SKIDA1: variants seen among roughly 807,000 people sequenced by gnomAD.
SKIDA1 encodes the protein SKI/DACH domain-containing protein 1.
A neutral mutation model predicts 51.4 loss-of-function variants in SKIDA1; 18 were observed. The observed-to-expected ratio is 0.35, with a 90% CI of 0.24 to 0.52. SKIDA1 has a LOEUF of 0.52. SKIDA1 is among the 20% of genes least tolerant of loss of function. SKIDA1 has a pLI of 0.95. For synonymous variants in SKIDA1, 579 were observed against 500.5 expected (o/e 1.16, Z -2.09); for missense variants, 1,104 against 1,180.6 (o/e 0.94, Z 0.95).
In SKIDA1 at chr10:21,515,762, G is replaced by GCC; in HGVS notation, c.2060_2061insGG (p.Ile687MetfsTer4). 1 of 1,614,008 alleles carries GCC rather than the reference G, an allele frequency of 6.2e-7. No individual in the cohort carries two copies. Among genetic ancestry groups the GCC allele is most frequent in the Non-Finnish European group, 8.5e-7 (1 of 1,179,892 alleles). On this transcript the variant is annotated frameshift_variant, in exon 4 of 4. Transcript: ENST00000449193. LOFTEE classifies it high-confidence loss of function. ...CATTAGCACTACTGTCTTCTACTTT[G>GCC]ATTTTAATATTGTGCAGAAATGGCA... is the stretch of plus-strand genomic sequence containing the variant.
In SKIDA1 at chr10:21,515,939, T is replaced by C. The variant is rs200289456; in HGVS notation, c.1884A>G (p.Ala628=). 4.5e-4 allele frequency: 733 copies of C among 1,613,916 alleles called. No homozygotes were observed. Among genetic ancestry groups the C allele is most frequent in the Non-Finnish European group, 5.7e-4 (676 of 1,179,898 alleles). Residue 628 remains alanine, a synonymous_variant, in exon 4 of 4, where the codon GCA becomes GCG. Coordinates refer to ENST00000449193, the MANE Select transcript of SKIDA1 (RefSeq NM_207371.4). ...TGGAATATTTTTCTGAATTTGCTTC[T>C]GCTCCTGAAGAATCATTATTTAAGA... is the stretch of plus-strand genomic sequence containing the variant. ...ARFLNNDSSG[A]EANSEKYSKI...
intron 3 of SKIDA1, 44 bp from the exon 4 acceptor site, chr10:21,519,702 A>G (rs935870733): frequency 5.4e-5 from 9 of 167,064 alleles, no homozygotes; most frequent in Admixed American, 5.2e-4. Context: ...TTCACATTCA[A>G]AAGTCCCAGC....
rs1462788935 is a variant in SKIDA1 at position 21,517,266 on chromosome 10, C to G, written c.557G>C (p.Arg186Pro). 1 of 1,472,752 alleles carries G rather than the reference C, an allele frequency of 6.8e-7. No homozygotes were observed. Among genetic ancestry groups the G allele is most frequent in the African/African-American group, 1.5e-5 (1 of 67,724 alleles). 91.2% of individuals were successfully genotyped at this position (1,472,752 alleles called of 1,614,324 possible). A position where few individuals can be genotyped will look rare whatever the true frequency, so the allele number is the denominator to read the frequency against. ...YPGSHYPEIV[R>P]SPCKPPLNYE... Reference sequence around the variant, plus strand: ...GTTTAGAGGGGGTTTGCACGGCGAGCGCACGATCTCCGGGTAGTGCGAGCC... The same window carrying G: ...GTTTAGAGGGGGTTTGCACGGCGAGGGCACGATCTCCGGGTAGTGCGAGCC... The change falls in exon 4 of 4, where the codon CGC becomes CCC. Residue 186 changes from arginine (R) to proline (P), a missense_variant. Around this residue, in one of 3 missense-constraint regions of SKIDA1, gnomAD observed 938 missense variants for 886.4 expected, o/e 1.06. Coordinates refer to ENST00000449193, the MANE Select transcript of SKIDA1 (RefSeq NM_207371.4). This position sits in a 1 kb window ranked among gnomAD's most constrained non-coding sequence, Gnocchi z 6.9.
Position 21,516,322 on chromosome 10 carries a change from C to T in SKIDA1, c.1501G>A (p.Asp501Asn), listed in dbSNP as rs982548790. 1 of 1,613,722 alleles carries T rather than the reference C, an allele frequency of 6.2e-7. No homozygotes were observed. The highest frequency in any genetic ancestry group is 1.1e-5 in the South Asian group (1 of 91,086). Reference sequence around the variant, plus strand: ...TTGAGGTCGGGAAGTCTGCCGGCATCCTCGAAAGCAGCGGGTTTGGTTGCA... The same window carrying T: ...TTGAGGTCGGGAAGTCTGCCGGCATTCTCGAAAGCAGCGGGTTTGGTTGCA... ...AAATKPAAFE[D>N]AGRLPDLKSS... The change falls in exon 4 of 4, where the codon GAT becomes AAT. Residue 501 changes from aspartate to asparagine, a missense_variant. This residue lies in a region of SKIDA1 where 938 missense variants were observed against 886.4 expected (regional missense o/e 1.06). Coordinates refer to ENST00000449193, the MANE Select transcript of SKIDA1 (RefSeq NM_207371.4). This position sits in a 1 kb window ranked among gnomAD's most constrained non-coding sequence, Gnocchi z 5.7.
rs919709288 is a variant in SKIDA1 at position 21,516,051 on chromosome 10, T to G, written c.1772A>C (p.Gln591Pro). Residue 591 changes from glutamine to proline, a missense_variant, in exon 4 of 4, where the codon CAA becomes CCA. By Grantham distance (76) the Gln-to-Pro change is moderately conservative (BLOSUM62 -1). Transcript: ENST00000449193. This position sits in a 1 kb window ranked among gnomAD's most constrained non-coding sequence, Gnocchi z 5.7. ...CCTAGCCTCTCGGAGTATTCTTTGT[T>G]GTGGAAATGCATTGTTTGTCTTTGG... Reference protein sequence around the residue: ...PSPKTNNAFPQQRILREARKC... With the variant: ...PSPKTNNAFPPQRILREARKC... 2 of 1,614,076 alleles carry G rather than the reference T, an allele frequency of 1.2e-6. No individual in the cohort carries two copies. Among genetic ancestry groups the G allele is most frequent in the Non-Finnish European group, 8.5e-7 (1 of 1,179,898 alleles).
rs1232143135 is a variant in SKIDA1 at position 21,515,454 on chromosome 10, G to T, written c.2369C>A (p.Pro790His). ...TTTGACTGGAGGTGTCTGAAGGACA[G>T]GTCGCTTTCCCAGTACTAGTGTCCG... ...NYRTLVLGKR[P>H]VLQTPPVKPN... Residue 790 changes from proline to histidine, a missense_variant, in exon 4 of 4, where the codon CCT (proline) becomes CAT (histidine). This residue lies in a region of SKIDA1 where 112 missense variants were observed against 168.3 expected (regional missense o/e 0.67). Coordinates refer to ENST00000449193, the MANE Select transcript of SKIDA1 (RefSeq NM_207371.4). 1.9e-6 allele frequency: 3 copies of T among 1,613,924 alleles called. No homozygotes were observed. The highest frequency in any genetic ancestry group is 2.5e-6 in the Non-Finnish European group (3 of 1,179,914).
chr10:21,515,178 G>C lies in SKIDA1; in HGVS notation c.2645C>G (p.Ala882Gly). Residue 882 changes from alanine (A) to glycine (G), a missense_variant, in exon 4 of 4, where the codon GCC becomes GGC. Ala to Gly is a moderately conservative substitution (Grantham distance 60, BLOSUM62 0). This residue lies in a region of SKIDA1 where 112 missense variants were observed against 168.3 expected (regional missense o/e 0.67). Transcript: ENST00000449193. ...TTKDSQTPHK[A>G]HPIWKWQLGG... ...CAGCTGCCATTTCCATATAGGATGG[G>C]CCTTGTGAGGAGTTTGAGAATCCTT... 3 of 1,613,896 alleles carry C rather than the reference G, an allele frequency of 1.9e-6. No homozygotes were observed. The highest frequency in any genetic ancestry group is 2.5e-6 in the Non-Finnish European group (3 of 1,179,860).
chr10:21,517,917 T>C lies in SKIDA1; in HGVS notation c.-95A>G, dbSNP rs1227172638. ...TGTTAATCCTCAGCCAGATGCTGCG[T>C]GTGTCTCAAGGCATCCTGCTAATAA... On this transcript the variant is annotated 5_prime_UTR_variant, in exon 4 of 4. Transcript: ENST00000449193. This position sits in a 1 kb window ranked among gnomAD's most constrained non-coding sequence, Gnocchi z 6.9. The C allele has an allele frequency of 8.5e-7, 1 of 1,181,216 alleles. No individual in the cohort carries two copies. The highest frequency in any genetic ancestry group is 1.2e-6 in the Non-Finnish European group (1 of 868,326). 73.2% of individuals were successfully genotyped at this position (1,181,216 alleles called of 1,614,324 possible). A position where few individuals can be genotyped will look rare whatever the true frequency, so the allele number is the denominator to read the frequency against.
Position 21,515,956 on chromosome 10 carries a change from T to C in SKIDA1, c.1867A>G (p.Asn623Asp), listed in dbSNP as rs1333106161. Residue 623 changes from asparagine (N) to aspartate (D), a missense_variant, in exon 4 of 4, where the codon AAT becomes GAT. Physicochemically the swap from Asn to Asp is conservative, Grantham distance 23. Coordinates refer to ENST00000449193, the MANE Select transcript of SKIDA1 (RefSeq NM_207371.4). ...NNTIAARFLN[N>D]DSSGAEANSE... ...TTTGCTTCTGCTCCTGAAGAATCAT[T>C]ATTTAAGAACCTAGCAGCTATTGTG... 6.2e-7 allele frequency: 1 copy of C among 1,613,852 alleles called. No individual in the cohort carries two copies. Among genetic ancestry groups the C allele is most frequent in the Non-Finnish European group, 8.5e-7 (1 of 1,179,856 alleles).
In SKIDA1 at chr10:21,517,619, C is replaced by T. The variant is rs765810261; in HGVS notation, c.204G>A (p.Lys68=). ...HCDLEELRKL[K]AINSIAFHAA... is the part of the protein sequence containing the mutation. Reference sequence around the variant, plus strand: ...CGTGGAAGGCGATGCTGTTAATTGCCTTGAGTTTCCGCAACTCCTCCAGAT... The same window carrying T: ...CGTGGAAGGCGATGCTGTTAATTGCTTTGAGTTTCCGCAACTCCTCCAGAT... Residue 68 remains lysine (K), a synonymous_variant, in exon 4 of 4, where the codon AAG becomes AAA. Coordinates refer to ENST00000449193, the MANE Select transcript of SKIDA1 (RefSeq NM_207371.4). The surrounding 1 kb of genome is among the most constrained non-coding windows in gnomAD (Gnocchi z 6.9). 20 of 1,613,786 alleles carry T rather than the reference C, an allele frequency of 1.2e-5. No homozygotes were observed. The highest frequency in any genetic ancestry group is 2.2e-5 in the East Asian group (1 of 44,884).
rs1468830300 is a variant in SKIDA1, at chr10:21,514,359, T to C, written c.*737A>G. 6.6e-6 allele frequency: 1 copy of C among 152,092 alleles called. No homozygotes were observed. The highest frequency in any genetic ancestry group is 1.5e-5 in the Non-Finnish European group (1 of 68,000). The allele number at this position is 152,092 out of a possible 1,614,324, so 9.4% of individuals were successfully genotyped here. A position where few individuals can be genotyped will look rare whatever the true frequency, so the allele number is the denominator to read the frequency against. On this transcript the variant is annotated 3_prime_UTR_variant, in exon 4 of 4. Coordinates refer to ENST00000449193, the MANE Select transcript of SKIDA1 (RefSeq NM_207371.4). ...GAGAACACAAAACAGACTTTTCCTGTTGCAAAGGAGTGGCTTTAAAAGTAA... is the reference window on the plus strand; with the variant it reads ...GAGAACACAAAACAGACTTTTCCTGCTGCAAAGGAGTGGCTTTAAAAGTAA...
In SKIDA1 at chr10:21,516,934, T is replaced by C. The variant is rs2032243981; in HGVS notation, c.889A>G (p.Arg297Gly). 3.6e-6 allele frequency: 4 copies of C among 1,124,348 alleles called. No individual in the cohort carries two copies. The highest frequency in any genetic ancestry group is 6.0e-5 in the East Asian group (1 of 16,544). The allele number at this position is 1,124,348 out of a possible 1,614,324, so 69.6% of individuals were successfully genotyped here. ...AGARRLLLLP[R>G]SYKAKAAAAA... ...GCCGCCGCCTTGGCTTTGTAGGACCTGGGCAACAGCAGCAGGCGCCGCGCG... is the reference window on the plus strand; with the variant it reads ...GCCGCCGCCTTGGCTTTGTAGGACCCGGGCAACAGCAGCAGGCGCCGCGCG... The change falls in exon 4 of 4, where the codon AGG (arginine) becomes GGG (glycine). Residue 297 changes from arginine to glycine, a missense_variant. Arg to Gly is a moderately radical substitution (Grantham distance 125, BLOSUM62 -2). This residue lies in a region of SKIDA1 where 938 missense variants were observed against 886.4 expected (regional missense o/e 1.06). Coordinates refer to ENST00000449193, the MANE Select transcript of SKIDA1 (RefSeq NM_207371.4). The surrounding 1 kb of genome is among the most constrained non-coding windows in gnomAD (Gnocchi z 5.7).
In SKIDA1 at chr10:21,515,198, A is replaced by C. The variant is rs1017908592; in HGVS notation, c.2625T>G (p.Asp875Glu). ...WPAYSLNTTK[D>E]SQTPHKAHPI... is the part of the protein sequence containing the mutation. ...GATGGGCCTTGTGAGGAGTTTGAGA[A>C]TCCTTAGTGGTGTTTAAGGAATACG... Residue 875 changes from aspartate (D) to glutamate (E), a missense_variant, in exon 4 of 4, where the codon GAT becomes GAG. Asp to Glu is a conservative substitution (Grantham distance 45, BLOSUM62 2). Transcript: ENST00000449193. The C allele has an allele frequency of 9.9e-6, 16 of 1,613,814 alleles. No homozygotes were observed. The highest frequency in any genetic ancestry group is 1.3e-5 in the African/African-American group (1 of 74,906).
In SKIDA1 at chr10:21,517,049, C is replaced by G; in HGVS notation, c.774G>C (p.Ala258=). Residue 258 remains alanine, a synonymous_variant, in exon 4 of 4, where the codon GCG becomes GCC. Transcript: ENST00000449193. This position sits in a 1 kb window ranked among gnomAD's most constrained non-coding sequence, Gnocchi z 6.9. Reference sequence around the variant, plus strand: ...GGCTCCCCGGGCCTCCGGCGCCCGCCGCTGCCTTGGGCTGGGGCCCGGCCG... The same window carrying G: ...GGCTCCCCGGGCCTCCGGCGCCCGCGGCTGCCTTGGGCTGGGGCCCGGCCG... ...VSAAGPQPKA[A]AGAGGPGSLS... is the part of the protein sequence containing the mutation. 1 of 1,011,240 alleles carries G rather than the reference C, an allele frequency of 9.9e-7. No homozygotes were observed. The highest frequency in any genetic ancestry group is 1.2e-6 in the Non-Finnish European group (1 of 851,670). The allele number at this position is 1,011,240 out of a possible 1,614,324, so 62.6% of individuals were successfully genotyped here. A position where few individuals can be genotyped will look rare whatever the true frequency, so the allele number is the denominator to read the frequency against.
rs2032280969 is a variant in SKIDA1, at chr10:21,517,498, C to G, written c.325G>C (p.Gly109Arg). The change falls in exon 4 of 4, where the codon GGC becomes CGC. Residue 109 changes from glycine (G) to arginine (R), a missense_variant. Gly to Arg is a moderately radical substitution (Grantham distance 125, BLOSUM62 -2). This residue lies in a region of SKIDA1 where 938 missense variants were observed against 886.4 expected (regional missense o/e 1.06). Coordinates refer to ENST00000449193, the MANE Select transcript of SKIDA1 (RefSeq NM_207371.4). This position sits in a 1 kb window ranked among gnomAD's most constrained non-coding sequence, Gnocchi z 6.9. ...RVLKTKRRRV[G>R]RALATKAPPP... Reference sequence around the variant, plus strand: ...GGCGCCTTTGTGGCCAGGGCCCGGCCGACCCGCCTGCGCTTGGTCTTGAGG... The same window carrying G: ...GGCGCCTTTGTGGCCAGGGCCCGGCGGACCCGCCTGCGCTTGGTCTTGAGG... 3.9e-6 allele frequency: 6 copies of G among 1,553,926 alleles called. No individual in the cohort carries two copies. The highest frequency in any genetic ancestry group is 5.2e-6 in the Non-Finnish European group (6 of 1,149,326).
At position 21,516,877 on chromosome 10, in the gene SKIDA1, C is replaced by CAG; in HGVS notation, c.945_946insCT (p.Ala316LeufsTer231). The CAG allele has an allele frequency of 2.0e-5, 26 of 1,278,208 alleles. No homozygotes were observed. Among genetic ancestry groups the CAG allele is most frequent in the South Asian group, 1.9e-4 (6 of 30,978 alleles). 79.2% of individuals were successfully genotyped at this position (1,278,208 alleles called of 1,614,324 possible). On this transcript the variant is annotated frameshift_variant, in exon 4 of 4. Transcript: ENST00000449193. LOFTEE classifies it high-confidence loss of function. The surrounding 1 kb of genome is among the most constrained non-coding windows in gnomAD (Gnocchi z 5.7). The stretch of plus-strand genomic sequence containing the variant: ...TCCAGGCAAGTGGCCCCCGCGGCGG[C>CAG]CGCCGCCGCCGCTGCCGCCGCCGCC...
Position 21,517,831 on chromosome 10 carries a change from C to G in SKIDA1, c.-9G>C. Reference sequence around the variant, plus strand: ...GACTTCAGGTCTCCCATCTCGGGCACTAAATGATCCCCACCATTTGCAGTA... The same window carrying G: ...GACTTCAGGTCTCCCATCTCGGGCAGTAAATGATCCCCACCATTTGCAGTA... On this transcript the variant is annotated 5_prime_UTR_variant, in exon 4 of 4. An upstream open reading frame in the 5' UTR loses its in-frame stop. Transcript: ENST00000449193. This position sits in a 1 kb window ranked among gnomAD's most constrained non-coding sequence, Gnocchi z 6.9. 6.3e-7 allele frequency: 1 copy of G among 1,595,694 alleles called. No individual in the cohort carries two copies. Among genetic ancestry groups the G allele is most frequent in the Non-Finnish European group, 8.6e-7 (1 of 1,167,272 alleles).
rs1162853056 is a variant in SKIDA1, at chr10:21,515,515, C to T, written c.2308G>A (p.Glu770Lys). The T allele has an allele frequency of 1.9e-6, 3 of 1,613,874 alleles. No individual in the cohort carries two copies. The highest frequency in any genetic ancestry group is 2.7e-5 in the African/African-American group (2 of 74,902). The change falls in exon 4 of 4, where the codon GAA (glutamate) becomes AAA (lysine). Residue 770 changes from glutamate (E) to lysine (K), a missense_variant. Around this residue, in one of 3 missense-constraint regions of SKIDA1, gnomAD observed 938 missense variants for 886.4 expected, o/e 1.06. Transcript: ENST00000449193. ...CTCACCCTGGCACCAAATTTATATT[C>T]CCCATCCTCAGGTTTTGGAGAACCT... ...TLGSPKPEDG[E>K]YKFGARVRKN...
chr10:21,522,266 A>AACC (rs2032419460), intron 2 of SKIDA1, among the ~76,000 whole-genome samples: 1 of 30,448 alleles, frequency 3.3e-5, no homozygotes, highest in Admixed American at 6.0e-4. Context: ...GATCACAGCC[A>AACC]CCCCCCCCCC....
Sources: allele counts gnomAD v4.1 joint callset (sites outside exome capture counted in the v4.1 genomes callset), GRCh38; gene constraint gnomAD v4.1.1; regional missense constraint gnomAD v4.1.1; non-coding constraint Gnocchi (gnomAD v3.1); transcripts MANE v1.5; gene names NCBI Gene and HGNC (gene_info 2026-07-23, HGNC 2026-07-21).